FAM178B: variants seen among roughly 807,000 people sequenced by gnomAD.
The protein encoded by FAM178B is family with sequence similarity 178 member B.
Under a neutral mutation model 91.7 loss-of-function variants are expected in FAM178B, and 82 were observed. That is an observed-to-expected ratio of 0.89 (90% CI 0.75 to 1.07). FAM178B has a LOEUF of 1.07. Among genes scored for constraint, FAM178B ranks in the 50% least tolerant of loss-of-function variants. The pLI, the probability that FAM178B is intolerant of heterozygous loss-of-function variation, is 0.00. For synonymous variants in FAM178B, 368 were observed against 359.4 expected, an observed-to-expected ratio of 1.02 and a Z score of -0.27; for missense variants, 769 against 846.7, an observed-to-expected ratio of 0.91 and a Z score of 1.14.
intron 8 of FAM178B, among the ~76,000 whole-genome samples, chr2:96,938,290 A>G (rs972461249): frequency 3.9e-5 from 6 of 152,052 alleles, no homozygotes; most frequent in African/African-American, 1.2e-4. Context: ...AAGGGAACGA[A>G]CTCACCTGGG....
At chr2:96,885,403 G>T (rs1241233274) in intron 14 of FAM178B, among the ~76,000 whole-genome samples, 1 of 152,248 alleles carries the variant, frequency 6.6e-6, no homozygotes, top group Non-Finnish European at 1.5e-5. Context: ...TCACAGCGGG[G>T]ATCTCTTAAG....
intron 14 of FAM178B, among the ~76,000 whole-genome samples, chr2:96,881,114 A>G (rs1464581752): frequency 6.6e-6 from 1 of 151,958 alleles, no homozygotes; most frequent in African/African-American, 2.4e-5. Flanking sequence ...TCCACAGAAA[A>G]CAAAACCAAA....
chr2:96,968,202 T>C (rs1224293511), intron 4 of FAM178B, among the ~76,000 whole-genome samples: 1 of 152,008 alleles, frequency 6.6e-6, no homozygotes, highest in Non-Finnish European at 1.5e-5. Flanking sequence ...ATGGCCTGAC[T>C]CTGCAGCCAC....
chr2:96,946,693 GAC>G (rs1402705250), intron 8 of FAM178B, among the ~76,000 whole-genome samples: 1 of 152,276 alleles, frequency 6.6e-6, no homozygotes, highest in Non-Finnish European at 1.5e-5. Flanking sequence ...CAGCGGAGGA[GAC>G]ACATACCACT....
At chr2:96,935,293 A>T (rs1444008506) in intron 8 of FAM178B, among the ~76,000 whole-genome samples, 1 of 152,182 alleles carries the variant, frequency 6.6e-6, no homozygotes, top group Admixed American at 6.5e-5. Context: ...ACCCAACTGT[A>T]CCTGCAGGAT....
intron 7 of FAM178B, among the ~76,000 whole-genome samples, chr2:96,951,087 G>A (rs1472191220): frequency 3.9e-5 from 6 of 152,224 alleles, no homozygotes; most frequent in Admixed American, 3.3e-4. Context: ...AAAGCCACGT[G>A]AGGGCACAGG....
At chr2:96,957,525 C>G (rs775501298) in intron 6 of FAM178B, among the ~76,000 whole-genome samples, 17 of 152,240 alleles carry the variant, frequency 1.1e-4, no homozygotes, top group Non-Finnish European at 2.2e-4. Flanking sequence ...AGCTGGGCAG[C>G]CACCTGGCCC....
At chr2:96,882,614 G>C (rs1411257730) in intron 14 of FAM178B, among the ~76,000 whole-genome samples, 1 of 152,246 alleles carries the variant, frequency 6.6e-6, no homozygotes, top group Non-Finnish European at 1.5e-5. Context: ...GCTGAGCCCA[G>C]GCTGCACTCC....
At chr2:96,900,262 T>C (rs1574215571) in intron 13 of FAM178B, among the ~76,000 whole-genome samples, 1 of 151,962 alleles carries the variant, frequency 6.6e-6, no homozygotes, top group African/African-American at 2.4e-5. Context: ...CACCGCTGGG[T>C]CCCTCTGTTC....
intron 8 of FAM178B, among the ~76,000 whole-genome samples, chr2:96,939,401 CAGG>C (rs1047379273): frequency 6.6e-6 from 1 of 152,120 alleles, no homozygotes; most frequent in African/African-American, 2.4e-5. Context: ...GAGGCTGAGG[CAGG>C]AGAATGGCGT....
chr2:96,890,445 T>C (rs1468805497), intron 14 of FAM178B, among the ~76,000 whole-genome samples: 1 of 151,992 alleles, frequency 6.6e-6, no homozygotes, highest in Non-Finnish European at 1.5e-5. Flanking sequence ...GCCTGAGCAA[T>C]AGAGTGAGAC....
chr2:96,972,680 C>G, intron 1 of FAM178B, 74 bp from the exon 2 acceptor site: 2 of 1,404,676 alleles, frequency 1.4e-6, no homozygotes, highest in South Asian at 2.5e-5. Context: ...GTGATTCCCA[C>G]AGAGGAGGGC....
At chr2:96,906,517 C>G (rs139361152) in intron 12 of FAM178B, among the ~76,000 whole-genome samples, 1 of 152,302 alleles carries the variant, frequency 6.6e-6, no homozygotes, top group Non-Finnish European at 1.5e-5. Flanking sequence ...GCCCCTTCAG[C>G]CTCAACCCCC....
chr2:96,882,829 T>C (rs1413248625), intron 14 of FAM178B, among the ~76,000 whole-genome samples: 3 of 152,202 alleles, frequency 2.0e-5, no homozygotes, highest in Non-Finnish European at 2.9e-5. Flanking sequence ...TCCTGCCCCA[T>C]GGCACGTTAG....
chr2:96,895,826 A>G (rs1217667779), intron 13 of FAM178B, among the ~76,000 whole-genome samples: 2 of 152,132 alleles, frequency 1.3e-5, no homozygotes, highest in Non-Finnish European at 2.9e-5. Context: ...CCGGTGACTC[A>G]CCTACCACCT....
chr2:96,986,455 C>T lies in FAM178B; in HGVS notation c.-142G>A, dbSNP rs561510940. ...GTGGGAGGACCCCAAGAGTTGCGTC[C>T]CTAGATCCAGGGCCGCCAACGTGGA... On this transcript the variant is annotated 5_prime_UTR_variant, in exon 1 of 17. Transcript: ENST00000490605. 16 of 1,010,558 alleles carry T rather than the reference C, an allele frequency of 1.6e-5. No individual in the cohort carries two copies. The Admixed American group carries it at 3.2e-4, about 20-fold the overall frequency. The allele number at this position is 1,010,558 out of a possible 1,614,324, so 62.6% of individuals were successfully genotyped here.
intron 8 of FAM178B, among the ~76,000 whole-genome samples, chr2:96,930,203 G>A (rs963625405): frequency 1.5e-4 from 14 of 93,080 alleles, no homozygotes; most frequent in East Asian, 1.0e-3. Context: ...GCGAGACTCC[G>A]TCTCTCCAAA....
At chr2:96,954,454 G>C (rs1261768800) in intron 6 of FAM178B, among the ~76,000 whole-genome samples, 2 of 152,254 alleles carry the variant, frequency 1.3e-5, no homozygotes, top group African/African-American at 4.8e-5. Flanking sequence ...TTCCTAAGCA[G>C]AGCTCTGACC....
In FAM178B at chr2:96,878,448, C is replaced by T. The variant is rs769043483; in HGVS notation, c.1822G>A (p.Val608Ile). Residue 608 changes from valine (V) to isoleucine (I), a missense_variant, in exon 15 of 17, where the codon GTT (valine) becomes ATT (isoleucine). By Grantham distance (29) the Val-to-Ile change is conservative (BLOSUM62 3). Coordinates refer to ENST00000490605, the MANE Select transcript of FAM178B (RefSeq NM_001122646.3). ...TCTGGAGTGATGTCCTGGCAGCTAA[C>T]AACTACCCCGGCCAGCATCAGCAAG... is the stretch of plus-strand genomic sequence containing the variant. The part of the protein sequence containing the change: ...HSLLMLAGVV[V>I]SCQDITPDQW... 1 of 1,613,980 alleles carries T rather than the reference C, an allele frequency of 6.2e-7. No individual in the cohort carries two copies. Among genetic ancestry groups the T allele is most frequent in the Admixed American group, 1.7e-5 (1 of 60,018 alleles).
Sources: allele counts gnomAD v4.1 joint callset (sites outside exome capture counted in the v4.1 genomes callset), GRCh38; gene constraint gnomAD v4.1.1; transcripts MANE v1.5; gene names NCBI Gene and HGNC (gene_info 2026-07-23, HGNC 2026-07-21).